ACOX3: variants seen among roughly 807,000 people sequenced by gnomAD.
ACOX3 encodes the protein peroxisomal acyl-coenzyme A oxidase 3.
A neutral mutation model predicts 81.5 loss-of-function variants in ACOX3; 73 were observed. The ratio of observed to expected loss-of-function variants is 0.90; its 90% CI spans 0.74 to 1.09. ACOX3 has a LOEUF of 1.09. Ranked by LOEUF, ACOX3 falls within the 50% of genes least tolerant of loss-of-function variation. The probability of loss-of-function intolerance (pLI) is 0.00; values close to 1 mark genes in which losing one functional copy is unlikely to be tolerated. For missense variants in ACOX3, 947 were observed against 928.0 expected (o/e 1.02, Z -0.27); for synonymous variants, 387 against 375.1 (o/e 1.03, Z -0.37).
At chr4:8,426,837 C>T (rs1386761414) in intron 1 of ACOX3, among the ~76,000 whole-genome samples, 1 of 152,164 alleles carries the variant, frequency 6.6e-6, no homozygotes, top group East Asian at 1.9e-4. Context: ...TGACTAAGAT[C>T]TACCGTGGAC....
In ACOX3 at chr4:8,389,797, A is replaced by G; in HGVS notation, c.1301-63T>C. The G allele has an allele frequency of 6.3e-7, 1 of 1,595,568 alleles. No homozygotes were observed. The highest frequency in any genetic ancestry group is 1.1e-5 in the South Asian group (1 of 90,320). On this transcript the variant is annotated intron_variant, in intron 11 of 17. Coordinates refer to ENST00000356406, the MANE Select transcript of ACOX3 (RefSeq NM_003501.3). This position sits in a 1 kb window ranked among gnomAD's most constrained non-coding sequence, Gnocchi z 5.3. ...CATATTTGAGAAGCAGCCTGTCACTATGTGAGAATTTAAAAAGCCTTAAGA... is the reference window on the plus strand; with the variant it reads ...CATATTTGAGAAGCAGCCTGTCACTGTGTGAGAATTTAAAAAGCCTTAAGA...
At chr4:8,434,886 C>T (rs936017616) in intron 1 of ACOX3, among the ~76,000 whole-genome samples, 3 of 152,212 alleles carry the variant, frequency 2.0e-5, no homozygotes, top group African/African-American at 7.2e-5. Context: ...ACAGGTGTGC[C>T]TTTAATGACA....
rs529286639 is a variant in ACOX3 at position 8,416,215 on chromosome 4, T to C, written c.144+163A>G. Reference sequence around the variant, plus strand: ...GTTCATTTCCAGACTCCTCATCAATTCCCTGAGGCCTGTCCTGGGGTGCAG... The same window carrying C: ...GTTCATTTCCAGACTCCTCATCAATCCCCTGAGGCCTGTCCTGGGGTGCAG... On this transcript the variant is annotated intron_variant, in intron 2 of 17. Transcript: ENST00000356406. The surrounding 1 kb of genome is among the most constrained non-coding windows in gnomAD (Gnocchi z 4.2). Among the ~76,000 whole-genome samples the C allele has an allele frequency of 8.5e-5, 13 of 152,232 alleles. No homozygotes were observed. The highest frequency in any genetic ancestry group is 2.9e-4 in the African/African-American group (12 of 41,546).
chr4:8,408,296 A>G (rs1168958732), intron 6 of ACOX3, among the ~76,000 whole-genome samples: 1 of 151,980 alleles, frequency 6.6e-6, no homozygotes, highest in Non-Finnish European at 1.5e-5. Flanking sequence ...GAAACCTGCA[A>G]AAGATGCCTG....
At chr4:8,434,937 CGAGT>C (rs1281556117) in intron 1 of ACOX3, among the ~76,000 whole-genome samples, 2 of 152,080 alleles carry the variant, frequency 1.3e-5, no homozygotes, top group Admixed American at 1.3e-4. Flanking sequence ...GTGAATTAGA[CGAGT>C]GAGTAACCTT....
At chr4:8,357,590 T>C in the ACOX3 span, 1 of 276,218 alleles carries the variant, frequency 3.6e-6, no homozygotes, top group Admixed American at 4.8e-5. Context: ...ATTCCAATTA[T>C]TCAAGTTTTT....
chr4:8,437,001 A>G lies in ACOX3; in HGVS notation c.-15+3647T>C, dbSNP rs1724282370. 6.8e-6 allele frequency among the ~76,000 whole-genome samples: 1 copy of G among 147,660 alleles called. No homozygotes were observed. Among genetic ancestry groups the G allele is most frequent in the Non-Finnish European group, 1.5e-5 (1 of 67,244 alleles). On this transcript the variant is annotated intron_variant, in intron 1 of 17. Coordinates refer to ENST00000356406, the MANE Select transcript of ACOX3 (RefSeq NM_003501.3). This position sits in a 1 kb window ranked among gnomAD's most constrained non-coding sequence, Gnocchi z 5.2. ...AGCGAGACTCCATCTCAAAAAAAAA[A>G]AAAAAATCAGCATATATATATATTC...
intron 1 of ACOX3, among the ~76,000 whole-genome samples, chr4:8,421,143 T>C (rs1482309016): frequency 6.6e-6 from 1 of 152,216 alleles, no homozygotes; most frequent in African/African-American, 2.4e-5. Flanking sequence ...TGGGCTCGTA[T>C]GGGGATTCTC....
intron 15 of ACOX3, 58 bp downstream of exon 15, chr4:8,374,920 T>C (rs1716726865): frequency 6.9e-6 from 10 of 1,443,796 alleles, no homozygotes; most frequent in Non-Finnish European, 9.2e-6. Flanking sequence ...GCTTCCTAGA[T>C]ACAACACGGG....
chr4:8,429,002 C>G (rs769377258), intron 1 of ACOX3, among the ~76,000 whole-genome samples: 1 of 152,194 alleles, frequency 6.6e-6, no homozygotes, highest in Non-Finnish European at 1.5e-5. Flanking sequence ...AGAGCAGCAA[C>G]CAGCTCAATC....
downstream of ACOX3, among the ~76,000 whole-genome samples, chr4:8,362,060 C>T (rs73085859): frequency 0.018 from 2,771 of 152,230 alleles, 95 homozygotes; most frequent in African/African-American, 0.063. Context: ...ATTTTGTTAT[C>T]CACAGACAAT....
At position 8,399,545 on chromosome 4, in the gene ACOX3, C is replaced by G; in HGVS notation, c.873+11G>C. 6.8e-6 allele frequency: 11 copies of G among 1,607,414 alleles called. No homozygotes were observed. The highest frequency in any genetic ancestry group is 2.2e-5 in the East Asian group (1 of 44,846). On this transcript the variant is annotated intron_variant, in intron 8 of 17. Transcript: ENST00000356406. The surrounding 1 kb of genome is among the most constrained non-coding windows in gnomAD (Gnocchi z 4.9). ...GAAGCACGGCACACGAACGGCCCCCCATGCCTGTACCTTAAAGGGGCTGAC... is the reference window on the plus strand; with the variant it reads ...GAAGCACGGCACACGAACGGCCCCCGATGCCTGTACCTTAAAGGGGCTGAC...
At chr4:8,365,917 C>T (rs1715393491), downstream of ACOX3, among the ~76,000 whole-genome samples, 1 of 152,200 alleles carries the variant, frequency 6.6e-6, no homozygotes, top group South Asian at 2.1e-4. Flanking sequence ...TGGTTCGGCA[C>T]CGTCCTGAGA....
At chr4:8,428,454 C>T (rs1246695673) in intron 1 of ACOX3, 1 of 152,434 alleles carries the variant, frequency 6.6e-6, no homozygotes, top group Non-Finnish European at 1.5e-5. Context: ...CCACTGCTCC[C>T]CCGCCACGCC....
In ACOX3 at chr4:8,406,088, A is replaced by G. The variant is rs976578659; in HGVS notation, c.688-45T>C. ...GCAGCAAACAGCAACTGTTACAATC[A>G]CACAAAAATCAAAACAAATGTGTTC... is the stretch of plus-strand genomic sequence containing the variant. On this transcript the variant is annotated intron_variant, in intron 6 of 17. Transcript: ENST00000356406. The surrounding 1 kb of genome is among the most constrained non-coding windows in gnomAD (Gnocchi z 5.6). 3 of 1,581,786 alleles carry G rather than the reference A, an allele frequency of 1.9e-6. No individual in the cohort carries two copies. Among genetic ancestry groups the G allele is most frequent in the Admixed American group, 1.7e-5 (1 of 59,922 alleles).
Position 8,370,701 on chromosome 4 carries a change from G to A in ACOX3, c.1983+207C>T, listed in dbSNP as rs865976304. On this transcript the variant is annotated intron_variant, in intron 17 of 17. Transcript: ENST00000356406. The surrounding 1 kb of genome is among the most constrained non-coding windows in gnomAD (Gnocchi z 6.3). ...GGGAGGAAAAGGCAGGCAGGGGATG[G>A]GCAAGTCCCCTGCAACCACAGAGCC... 1.3e-5 allele frequency among the ~76,000 whole-genome samples: 2 copies of A among 152,102 alleles called. No individual in the cohort carries two copies. The highest frequency in any genetic ancestry group is 2.9e-5 in the Non-Finnish European group (2 of 68,002).
chr4:8,373,682 C>A (rs1161996699), intron 15 of ACOX3, 54 bp from the exon 16 acceptor site: 1 of 1,533,978 alleles, frequency 6.5e-7, no homozygotes, highest in Non-Finnish European at 8.9e-7. Flanking sequence ...AAACCACCCC[C>A]AATACCAACA....
chr4:8,363,319 T>A (rs1715272232), downstream of ACOX3, among the ~76,000 whole-genome samples: 1 of 152,226 alleles, frequency 6.6e-6, no homozygotes, highest in Non-Finnish European at 1.5e-5. Flanking sequence ...TGTGTAGGAA[T>A]ATAGGACAAG....
In ACOX3 at chr4:8,430,913, A is replaced by C. The variant is rs1723916339; in HGVS notation, c.-15+9735T>G. 6.6e-6 allele frequency among the ~76,000 whole-genome samples: 1 copy of C among 152,144 alleles called. No homozygotes were observed. Among genetic ancestry groups the C allele is most frequent in the Non-Finnish European group, 1.5e-5 (1 of 68,018 alleles). On this transcript the variant is annotated intron_variant, in intron 1 of 17. Transcript: ENST00000356406. This position sits in a 1 kb window ranked among gnomAD's most constrained non-coding sequence, Gnocchi z 5.2. Reference sequence around the variant, plus strand: ...GGAAATGATTTGGGTCCATTGCAGGAGTGAGAGGGAGAGGGAAGCCATTTC... The same window carrying C: ...GGAAATGATTTGGGTCCATTGCAGGCGTGAGAGGGAGAGGGAAGCCATTTC...
Sources: gnomAD v4.1 joint callset for allele counts (sites outside exome capture counted in the v4.1 genomes callset) on GRCh38, gnomAD v4.1.1 for gene constraint, Gnocchi (gnomAD v3.1) non-coding constraint, MANE v1.5 for transcripts, NCBI Gene and HGNC (gene_info 2026-07-23, HGNC 2026-07-21) for gene names.